RAD51B: variants seen among roughly 807,000 people sequenced by gnomAD.
The protein encoded by RAD51B is RAD51 paralog B, also known as DNA repair protein RAD51 homolog 2.
RAD51B carries 38 observed loss-of-function variants against 42.2 expected under a neutral mutation model. The observed-to-expected ratio is 0.90, with a 90% CI of 0.70 to 1.18. The LOEUF (loss-of-function observed/expected upper bound fraction) is 1.18, where lower values mean the gene tolerates loss of function less well. RAD51B is among the 50% of genes most tolerant of loss of function. The pLI is 0.00. For missense variants in RAD51B, 373 were observed against 400.7 expected, an observed-to-expected ratio of 0.93 and a Z score of 0.59; for synonymous variants, 154 against 145.2, an observed-to-expected ratio of 1.06 and a Z score of -0.43.
At chr14:67,994,234 A>G (rs554415132) in intron 7 of RAD51B, among the ~76,000 whole-genome samples, 4 of 151,700 alleles carry the variant, frequency 2.6e-5, no homozygotes, top group African/African-American at 4.8e-5. Flanking sequence ...TTTTTTCAAG[A>G]AAAAAAAGCC....
intron 4 of RAD51B, among the ~76,000 whole-genome samples, chr14:67,844,738 T>A (rs184039237): frequency 6.6e-6 from 1 of 152,038 alleles, no homozygotes; most frequent in Admixed American, 6.5e-5. Flanking sequence ...TCATTTACAT[T>A]AGGTATATCT....
chr14:68,272,335 A>G (rs552016178), intron 7 of RAD51B, among the ~76,000 whole-genome samples: 1 of 152,140 alleles, frequency 6.6e-6, no homozygotes, highest in Non-Finnish European at 1.5e-5. Flanking sequence ...TCAGCAAGAC[A>G]CTTCGCTGCC....
At chr14:67,875,834 C>G (rs2042707297) in intron 5 of RAD51B, among the ~76,000 whole-genome samples, 1 of 152,152 alleles carries the variant, frequency 6.6e-6, no homozygotes, top group Admixed American at 6.5e-5. Context: ...ATGACTCAGG[C>G]TGATTCTGAA....
intron 7 of RAD51B, among the ~76,000 whole-genome samples, chr14:68,023,445 G>A (rs538317368): frequency 7.9e-5 from 12 of 152,038 alleles, no homozygotes; most frequent in African/African-American, 2.7e-4. Flanking sequence ...CTCCTGCCTC[G>A]CCTCCTGAGT....
At chr14:68,005,173 G>A (rs1385806399) in intron 7 of RAD51B, among the ~76,000 whole-genome samples, 1 of 150,202 alleles carries the variant, frequency 6.7e-6, no homozygotes, top group African/African-American at 2.5e-5. Context: ...CCTGCCTCAG[G>A]CTCCTGGGCA....
intron 7 of RAD51B, among the ~76,000 whole-genome samples, chr14:68,151,086 G>C (rs1302818748): frequency 1.3e-5 from 2 of 151,918 alleles, no homozygotes; most frequent in African/African-American, 4.8e-5. Flanking sequence ...AGGTCTTGTG[G>C]TGTAGGTCTC....
chr14:68,445,402 G>A (rs576508716), intron 9 of RAD51B, among the ~76,000 whole-genome samples: 2 of 152,146 alleles, frequency 1.3e-5, no homozygotes, highest in Non-Finnish European at 2.9e-5. Context: ...ATAATAGCTA[G>A]CATTCATCAA....
chr14:68,409,993 T>G (rs1371620867), intron 8 of RAD51B, among the ~76,000 whole-genome samples: 1 of 152,246 alleles, frequency 6.6e-6, no homozygotes, highest in Non-Finnish European at 1.5e-5. Context: ...CATTCATTCC[T>G]GTTCCTGCTT....
chr14:68,053,398 A>G (rs1305313740), intron 7 of RAD51B, among the ~76,000 whole-genome samples: 1 of 152,196 alleles, frequency 6.6e-6, no homozygotes, highest in East Asian at 1.9e-4. Flanking sequence ...GAAAAAATGT[A>G]TGGGTCAAAC....
chr14:68,584,503 A>T (rs1264901444), intron 10 of RAD51B, among the ~76,000 whole-genome samples: 2 of 152,162 alleles, frequency 1.3e-5, no homozygotes, highest in Non-Finnish European at 2.9e-5. Context: ...TCCTGCCCTG[A>T]TCAGCCTTCC....
intron 8 of RAD51B, among the ~76,000 whole-genome samples, chr14:68,372,127 C>T (rs1311185634): frequency 1.3e-5 from 2 of 152,140 alleles, no homozygotes; most frequent in Non-Finnish European, 2.9e-5. Flanking sequence ...GAGTTAGGTC[C>T]AGTGCTGCTA....
intron 8 of RAD51B, among the ~76,000 whole-genome samples, chr14:68,302,530 G>A (rs933695619): frequency 3.6e-4 from 50 of 138,834 alleles, no homozygotes; most frequent in African/African-American, 1.2e-3. Context: ...AGCTCGGTTG[G>A]GGAGACCCTA....
chr14:68,229,767 C>T (rs1446061927), intron 7 of RAD51B, among the ~76,000 whole-genome samples: 1 of 152,186 alleles, frequency 6.6e-6, no homozygotes, highest in Non-Finnish European at 1.5e-5. Flanking sequence ...CTATACACAA[C>T]AGGGCAAGAT....
intron 7 of RAD51B, among the ~76,000 whole-genome samples, chr14:68,121,450 A>T (rs778116063): frequency 6.6e-6 from 1 of 152,058 alleles, no homozygotes; most frequent in Non-Finnish European, 1.5e-5. Context: ...CCCCATCCCC[A>T]TCTTCTAGTC....
intron 10 of RAD51B, among the ~76,000 whole-genome samples, chr14:68,483,266 A>G (rs1883344297): frequency 6.6e-6 from 1 of 152,194 alleles, no homozygotes; most frequent in African/African-American, 2.4e-5. Flanking sequence ...GGGCTTGCAA[A>G]TGTTTCCTTC....
intron 7 of RAD51B, among the ~76,000 whole-genome samples, chr14:67,898,857 C>T (rs2043511718): frequency 6.6e-6 from 1 of 152,098 alleles, no homozygotes; most frequent in African/African-American, 2.4e-5. Flanking sequence ...CTATGTAAAA[C>T]ATAACAGCTG....
At chr14:68,026,005 C>T (rs2075950383) in intron 7 of RAD51B, among the ~76,000 whole-genome samples, 1 of 152,090 alleles carries the variant, frequency 6.6e-6, no homozygotes, top group Non-Finnish European at 1.5e-5. Flanking sequence ...AAGCTTTCCT[C>T]TCAATGCTGT....
At chr14:67,912,472 T>A (rs1167411191) in intron 7 of RAD51B, among the ~76,000 whole-genome samples, 2 of 152,308 alleles carry the variant, frequency 1.3e-5, no homozygotes, top group Non-Finnish European at 2.9e-5. Flanking sequence ...TATAGTTATA[T>A]GAACCCACGG....
intron 7 of RAD51B, among the ~76,000 whole-genome samples, chr14:68,133,273 G>A (rs1189952270): frequency 2.0e-5 from 3 of 152,032 alleles, no homozygotes; most frequent in South Asian, 2.1e-4. Context: ...CTTTTTCCAC[G>A]TATTTCTACT....
Sources: allele counts gnomAD v4.1 joint callset (sites outside exome capture counted in the v4.1 genomes callset), GRCh38; gene constraint gnomAD v4.1.1; transcripts MANE v1.5; gene names NCBI Gene and HGNC (gene_info 2026-07-23, HGNC 2026-07-21).